Variants in HEATR6 observed in about 807,000 individuals in gnomAD.
HEATR6 encodes the protein HEAT repeat-containing protein 6.
Under a neutral mutation model 132.8 loss-of-function variants are expected in HEATR6, and 106 were observed. That is an observed-to-expected ratio of 0.80 (90% confidence interval 0.68 to 0.94). The LOEUF is 0.94. HEATR6 is among the 40% of genes least tolerant of loss of function. The pLI is 0.00. For missense variants in HEATR6, 1,339 were observed against 1,425.1 expected (o/e 0.94, Z 0.97); for synonymous variants, 529 against 537.8 (o/e 0.98, Z 0.23).
intron 14 of HEATR6, 78 bp from the exon 15 acceptor site, chr17:60,051,055 G>A (rs929641327): frequency 1.3e-6 from 2 of 1,487,290 alleles, no homozygotes; most frequent in Non-Finnish European, 1.8e-6. Context: ...TACCAGAAAT[G>A]GCCTTAGTGA....
At chr17:60,046,267 C>G (rs770050353) in intron 18 of HEATR6, 38 bp from the exon 19 acceptor site, 1 of 1,504,686 alleles carries the variant, frequency 6.6e-7, no homozygotes, top group South Asian at 1.2e-5. Context: ...TCTGTTTGGC[C>G]AAAGAGATGT....
intron 14 of HEATR6, among the ~76,000 whole-genome samples, chr17:60,054,803 G>A (rs1005562562): frequency 7.2e-5 from 11 of 152,326 alleles, no homozygotes; most frequent in South Asian, 2.1e-4. Context: ...GAGTGATGCC[G>A]TAAAGAGTTA....
In HEATR6 at chr17:60,043,952, T is replaced by C; in HGVS notation, c.3157A>G (p.Ser1053Gly). ...TCCAAAAAGTCTATGGTGTCTTCAC[T>C]CTTCTGTAAAGCGGTGACCAATGCA... The part of the protein sequence containing the change: ...WNALVTALQK[S>G]EDTIDFLEFK... The change falls in exon 20 of 20, where the codon AGT becomes GGT. Residue 1053 changes from serine to glycine, a missense_variant. Ser to Gly is a moderately conservative substitution (Grantham distance 56). Transcript: ENST00000184956. 1 of 1,614,144 alleles carries C rather than the reference T, an allele frequency of 6.2e-7. No individual in the cohort carries two copies. The highest frequency in any genetic ancestry group is 8.5e-7 in the Non-Finnish European group (1 of 1,180,030).
At chr17:60,055,939 G>A (rs1416993502) in intron 13 of HEATR6, among the ~76,000 whole-genome samples, 176 bp downstream of exon 13, 6 of 152,170 alleles carry the variant, frequency 3.9e-5, no homozygotes, top group Non-Finnish European at 5.9e-5. Flanking sequence ...ATATGTAAGA[G>A]CCGAAAACAG....
intron 9 of HEATR6, among the ~76,000 whole-genome samples, chr17:60,065,922 A>T (rs1387319119): frequency 6.6e-6 from 1 of 152,244 alleles, no homozygotes; most frequent in Non-Finnish European, 1.5e-5. Context: ...AAAGGAAGAG[A>T]AGCACAGCTG....
At position 60,066,292 on chromosome 17, in the gene HEATR6, C is replaced by T. The variant is rs2083240008; in HGVS notation, c.1333G>A (p.Ala445Thr). The change falls in exon 9 of 20, where the codon GCT becomes ACT. Residue 445 changes from alanine to threonine, a missense_variant. Physicochemically the swap from Ala to Thr is moderately conservative, Grantham distance 58 (BLOSUM62 0). Coordinates refer to ENST00000184956, the MANE Select transcript of HEATR6 (RefSeq NM_022070.5). Reference protein sequence around the residue: ...EKKVLYGYWSAFIPDTPELGS... With the variant: ...EKKVLYGYWSTFIPDTPELGS... ...AGTTCAGGCGTATCAGGAATAAAAGCTGACCAGTAGCCATAAAGAACTTTT... is the reference window on the plus strand; with the variant it reads ...AGTTCAGGCGTATCAGGAATAAAAGTTGACCAGTAGCCATAAAGAACTTTT... 1 of 1,613,820 alleles carries T rather than the reference C, an allele frequency of 6.2e-7. No homozygotes were observed. Among genetic ancestry groups the T allele is most frequent in the Non-Finnish European group, 8.5e-7 (1 of 1,179,904 alleles).
chr17:60,054,633 T>C (rs1485559699), intron 14 of HEATR6, among the ~76,000 whole-genome samples: 1 of 152,266 alleles, frequency 6.6e-6, no homozygotes, highest in Non-Finnish European at 1.5e-5. Flanking sequence ...TGGGGCTTGT[T>C]GCCCCTTTCT....
At chr17:60,065,063 C>A (rs903835712) in intron 9 of HEATR6, among the ~76,000 whole-genome samples, 1 of 152,114 alleles carries the variant, frequency 6.6e-6, no homozygotes, top group African/African-American at 2.4e-5. Flanking sequence ...GCTTTTATTT[C>A]AATTACTCTA....
rs1168812390 is a variant in HEATR6 at position 60,073,871 on chromosome 17, G to A, written c.343C>T (p.Gln115Ter). 1.2e-6 allele frequency: 2 copies of A among 1,613,242 alleles called. No homozygotes were observed. Among genetic ancestry groups the A allele is most frequent in the South Asian group, 1.1e-5 (1 of 90,866 alleles). ...LNRLQVIVDE[Q>*]HLDFLLAYTI... is the part of the protein sequence containing the mutation. Reference sequence around the variant, plus strand: ...TATGCCAACAGGAAATCCAAGTGCTGTTCATCAACAATTACCTAACAGGAC... The same window carrying A: ...TATGCCAACAGGAAATCCAAGTGCTATTCATCAACAATTACCTAACAGGAC... Residue 115 changes from glutamine (Q) to a stop codon, truncating the protein, a stop_gained, in exon 3 of 20, where the codon CAG (glutamine) becomes TAG (stop). Transcript: ENST00000184956. LOFTEE classifies it high-confidence loss of function.
At chr17:60,047,079 T>C in intron 18 of HEATR6, among the ~76,000 whole-genome samples, 1 of 152,122 alleles carries the variant, frequency 6.6e-6, no homozygotes, top group Non-Finnish European at 1.5e-5. Flanking sequence ...GAATATGTCA[T>C]GTAGTATTAC....
In HEATR6 at chr17:60,067,463, A is replaced by T. The variant is rs752835201; in HGVS notation, c.1209T>A (p.Asp403Glu). The change falls in exon 8 of 20, where the codon GAT becomes GAA. Residue 403 changes from aspartate (D) to glutamate (E), a missense_variant. Transcript: ENST00000184956. The part of the protein sequence containing the change: ...RVSSSESDFS[D>E]AEGGMQSKMR... ...TTTTACTCTGCATGCCTCCTTCAGC[A>T]TCAGAAAAGTCTGACTCACTACTGC... 8.3e-6 allele frequency: 13 copies of T among 1,564,714 alleles called. No homozygotes were observed. Among genetic ancestry groups the T allele is most frequent in the Non-Finnish European group, 1.0e-5 (12 of 1,159,910 alleles).
At chr17:60,047,283 G>T (rs1053723017) in intron 18 of HEATR6, 26 bp downstream of exon 18, 58 of 1,438,758 alleles carry the variant, frequency 4.0e-5, no homozygotes, top group Non-Finnish European at 5.3e-5. Context: ...CTGTTTGGGA[G>T]ATACTGGGTT....
chr17:60,066,060 A>G (rs1375962570), intron 9 of HEATR6, 149 bp downstream of exon 9: 1 of 652,874 alleles, frequency 1.5e-6, no homozygotes, highest in South Asian at 2.0e-5. Flanking sequence ...CCCACTTCCT[A>G]TTTTCCTGTC....
At chr17:60,066,460 G>T in intron 8 of HEATR6, 74 bp from the exon 9 acceptor site, 1 of 1,063,442 alleles carries the variant, frequency 9.4e-7, no homozygotes, top group South Asian at 1.7e-5. Flanking sequence ...ACATGAAATG[G>T]TATTTATTTC....
Position 60,076,144 on chromosome 17 carries a change from G to A in HEATR6, c.313C>T (p.Leu105Phe). The change falls in exon 2 of 20, where the codon CTT becomes TTT. Residue 105 changes from leucine to phenylalanine, a missense_variant. By Grantham distance (22) the Leu-to-Phe change is conservative. Transcript: ENST00000184956. Reference protein sequence around the residue: ...SKVSQLIHHLLNRLQVIVDEQ... With the variant: ...SKVSQLIHHLFNRLQVIVDEQ... ...TACATGATTACCTGTAATCTGTTAAGTAAATGGTGGATAAGCTGGCTCACT... is the reference window on the plus strand; with the variant it reads ...TACATGATTACCTGTAATCTGTTAAATAAATGGTGGATAAGCTGGCTCACT... 3.1e-6 allele frequency: 5 copies of A among 1,597,472 alleles called. No homozygotes were observed. Among genetic ancestry groups the A allele is most frequent in the Non-Finnish European group, 4.3e-6 (5 of 1,166,138 alleles).
At chr17:60,046,392 T>A (rs1906368184) in intron 18 of HEATR6, among the ~76,000 whole-genome samples, 163 bp from the exon 19 acceptor site, 1 of 152,234 alleles carries the variant, frequency 6.6e-6, no homozygotes, top group South Asian at 2.1e-4. Context: ...ATCAGAAATG[T>A]GAGGTTCTAC....
chr17:60,045,913 T>C (rs1906349011), intron 19 of HEATR6, 112 bp downstream of exon 19: 1 of 801,532 alleles, frequency 1.2e-6, no homozygotes. Context: ...TATGTCTCCA[T>C]TTTTTCCTAA....
At chr17:60,048,209 C>T (rs1293495966) in intron 17 of HEATR6, 55 bp downstream of exon 17, 2 of 1,580,690 alleles carry the variant, frequency 1.3e-6, no homozygotes, top group South Asian at 2.3e-5. Context: ...CGAGGACATT[C>T]TCTTGGGCCC....
intron 10 of HEATR6, among the ~76,000 whole-genome samples, 179 bp downstream of exon 10, chr17:60,059,711 G>A (rs1014197100): frequency 3.3e-5 from 5 of 152,052 alleles, no homozygotes; most frequent in African/African-American, 4.8e-5. Context: ...ATCATTTATT[G>A]GGACATACAG....
Sources: allele counts gnomAD v4.1 joint callset (sites outside exome capture counted in the v4.1 genomes callset), GRCh38; gene constraint gnomAD v4.1.1; transcripts MANE v1.5; gene names NCBI Gene and HGNC (gene_info 2026-07-23, HGNC 2026-07-21).